PNPLA7: variants seen among roughly 807,000 people sequenced by gnomAD.
PNPLA7 encodes the protein patatin like domain 7, lysophospholipase.
A neutral mutation model predicts 161.7 loss-of-function variants in PNPLA7; 153 were observed. The observed-to-expected ratio is 0.95, with a 90% confidence interval of 0.83 to 1.08. The LOEUF is 1.08. PNPLA7 is among the 50% of genes least tolerant of loss of function. The pLI, the probability that PNPLA7 is intolerant of heterozygous loss-of-function variation, is 0.00. For missense variants in PNPLA7, 1,739 were observed against 1,856.6 expected, an observed-to-expected ratio of 0.94 and a Z score of 1.16; for synonymous variants, 809 against 782.1, an observed-to-expected ratio of 1.03 and a Z score of -0.57.
At chr9:137,528,946 C>T (rs369801954) in intron 8 of PNPLA7, among the ~76,000 whole-genome samples, 2 of 152,084 alleles carry the variant, frequency 1.3e-5, no homozygotes, top group African/African-American at 2.4e-5. Flanking sequence ...GTGATCCGCC[C>T]GCCTCGGCCT....
At position 137,537,818 on chromosome 9, in the gene PNPLA7, G is replaced by T. The variant is rs1217538865; in HGVS notation, c.747+2824C>A. On this transcript the variant is annotated intron_variant, in intron 8 of 34. Transcript: ENST00000406427. The surrounding 1 kb of genome is among the most constrained non-coding windows in gnomAD (Gnocchi z 4.5). ...AGGCCCAACCTGAATATCACAACAA[G>T]ATCAAGATCAGAAAGAACAAAGAAA... 7.0e-6 allele frequency among the ~76,000 whole-genome samples: 1 copy of T among 143,842 alleles called. No homozygotes were observed. The highest frequency in any genetic ancestry group is 1.5e-5 in the Non-Finnish European group (1 of 66,984). The allele number at this position is 143,842 out of a possible 152,430, so 94.4% of individuals were successfully genotyped here.
intron 12 of PNPLA7, among the ~76,000 whole-genome samples, chr9:137,514,916 G>A (rs1337303512): frequency 6.6e-6 from 1 of 152,006 alleles, no homozygotes; most frequent in Non-Finnish European, 1.5e-5. Context: ...CGGGCCCTGT[G>A]GCTGGGCTGT....
intron 12 of PNPLA7, among the ~76,000 whole-genome samples, chr9:137,510,788 C>T (rs1475684730): frequency 2.0e-5 from 3 of 152,200 alleles, no homozygotes; most frequent in African/African-American, 7.2e-5. Context: ...GTGCCTGAAA[C>T]GCCACCAGGC....
At chr9:137,485,999 C>T (rs117982725) in intron 20 of PNPLA7, among the ~76,000 whole-genome samples, 4,597 of 151,864 alleles carry the variant, frequency 0.03, 104 homozygotes, top group Non-Finnish European at 0.049. Flanking sequence ...GAGGCCACCG[C>T]GCCACCAGCC....
intron 11 of PNPLA7, 146 bp downstream of exon 11, chr9:137,519,771 G>A: frequency 1.8e-6 from 2 of 1,086,538 alleles, no homozygotes; most frequent in South Asian, 1.6e-5. Flanking sequence ...GGACTTGTAG[G>A]GTGACCTGGG....
rs140794186 is a variant in PNPLA7 at position 137,506,669 on chromosome 9, T to G, written c.1226-586A>C. The stretch of plus-strand genomic sequence containing the variant: ...CAAAGAGCTCCCCTGTTGCTGCTTT[T>G]GGGCGGCCTCGGGCTGAGCGGGATG... On this transcript the variant is annotated intron_variant, in intron 12 of 34. Coordinates refer to ENST00000406427, the MANE Select transcript of PNPLA7 (RefSeq NM_001098537.3). Among the ~76,000 whole-genome samples the G allele has an allele frequency of 1.8e-3, 276 of 152,320 alleles. 1 individual carries two copies. The highest frequency in any genetic ancestry group is 0.018 in the South Asian group (85 of 4,826).
intron 14 of PNPLA7, among the ~76,000 whole-genome samples, chr9:137,502,528 C>T (rs1355630750): frequency 1.4e-5 from 2 of 146,932 alleles, no homozygotes; most frequent in Non-Finnish European, 3.0e-5. Flanking sequence ...GCCACATATC[C>T]AGCTCTCAGG....
chr9:137,516,604 T>A (rs1436988403), intron 11 of PNPLA7: 1 of 784,706 alleles, frequency 1.3e-6, no homozygotes, highest in African/African-American at 1.9e-5. Flanking sequence ...AGACCAGGAG[T>A]TCAAGACCAC....
Position 137,497,294 on chromosome 9 carries a change from C to A in PNPLA7, c.1906G>T (p.Asp636Tyr), listed in dbSNP as rs369232623. The A allele has an allele frequency of 8.9e-6, 14 of 1,573,222 alleles. No individual in the cohort carries two copies. Among genetic ancestry groups the A allele is most frequent in the South Asian group, 1.2e-5 (1 of 85,402 alleles). The change falls in exon 18 of 35, where the codon GAC becomes TAC. Residue 636 changes from aspartate (D) to tyrosine (Y), a missense_variant. Physicochemically the swap from Asp to Tyr is radical, Grantham distance 160. This residue lies in a region of PNPLA7 where 481 missense variants were observed against 450.0 expected (regional missense o/e 1.07). Transcript: ENST00000406427. The part of the protein sequence containing the change: ...RAIYRQGDKS[D>Y]CTYIMLSGRL... The stretch of plus-strand genomic sequence containing the variant: ...CCGCTGAGCATGATGTACGTGCAGT[C>A]GGACTTGTCCCCCTGCCTGCGGAAG...
chr9:137,500,655 G>C lies in PNPLA7; in HGVS notation c.1757+36C>G, dbSNP rs1302840096. ...GAGGGGTCTCAGGGCAGGGGGGGCT[G>C]GGGCCCGCCCTGAGGTCCTGGCCCG... On this transcript the variant is annotated intron_variant, in intron 16 of 34. Transcript: ENST00000406427. This position sits in a 1 kb window ranked among gnomAD's most constrained non-coding sequence, Gnocchi z 5.5. 5.0e-6 allele frequency: 8 copies of C among 1,590,778 alleles called. No individual in the cohort carries two copies. The African/African-American group carries it at 5.4e-5, about 11-fold the overall frequency.
rs1478805128 is a variant in PNPLA7, at chr9:137,490,624, G to A, written c.2197+2389C>T. On this transcript the variant is annotated intron_variant, in intron 20 of 34. Transcript: ENST00000406427. This position sits in a 1 kb window ranked among gnomAD's most constrained non-coding sequence, Gnocchi z 4.1. ...TTCTCAGATTCTCAGATGAGGGAAA[G>A]CAAGCGGATCTGCAGCCATCAGACC... is the stretch of plus-strand genomic sequence containing the variant. Among the ~76,000 whole-genome samples the A allele has an allele frequency of 1.3e-5, 2 of 152,196 alleles. No homozygotes were observed. Among genetic ancestry groups the A allele is most frequent in the Non-Finnish European group, 2.9e-5 (2 of 68,040 alleles).
rs1834922511 is a variant in PNPLA7 at position 137,520,360 on chromosome 9, T to C, written c.958-317A>G. Among the ~76,000 whole-genome samples, 1 of 152,184 alleles carries C rather than the reference T, an allele frequency of 6.6e-6. No individual in the cohort carries two copies. The highest frequency in any genetic ancestry group is 2.1e-4 in the South Asian group (1 of 4,838). ...TAAGGCAACCAAGCTCAGCCTGCTT[T>C]TACCCTAGGCCCTGTCTCAAACACT... On this transcript the variant is annotated intron_variant, in intron 10 of 34. Transcript: ENST00000406427. This position sits in a 1 kb window ranked among gnomAD's most constrained non-coding sequence, Gnocchi z 5.2.
chr9:137,462,935 T>A (rs1271628568), intron 29 of PNPLA7, 102 bp from the exon 30 acceptor site: 1 of 1,488,210 alleles, frequency 6.7e-7, no homozygotes, highest in Admixed American at 1.9e-5. Flanking sequence ...GGTTGTGGGG[T>A]CTCCTCTCCG....
Position 137,462,213 on chromosome 9 carries a change from C to A in PNPLA7, c.3611G>T (p.Ser1204Ile). Residue 1204 changes from serine (S) to isoleucine (I), a missense_variant, in exon 31 of 35, where the codon AGC (serine) becomes ATC (isoleucine). By Grantham distance (142) the Ser-to-Ile change is moderately radical. Around this residue, in one of 6 missense-constraint regions of PNPLA7, gnomAD observed 703 missense variants for 694.6 expected, o/e 1.01. Transcript: ENST00000406427. The part of the protein sequence containing the change: ...EYLRPPIDSY[S>I]TLDFGKFNEI... ...GTTGAACTTGCCGAAGTCCAGGGTG[C>A]TGTAGCTGTCGATGGGGGGGCGCAG... 1.3e-6 allele frequency: 2 copies of A among 1,598,268 alleles called. No individual in the cohort carries two copies. The highest frequency in any genetic ancestry group is 1.7e-6 in the Non-Finnish European group (2 of 1,171,694).
At chr9:137,501,798 A>T (rs1478698007) in intron 14 of PNPLA7, 71 bp from the exon 15 acceptor site, 2 of 1,483,304 alleles carry the variant, frequency 1.3e-6, no homozygotes, top group Non-Finnish European at 1.9e-6. Context: ...CAGAGGCTGC[A>T]CTGGGCTGTT....
rs566511936 is a variant in PNPLA7, at chr9:137,514,597, G to A, written c.1225+782C>T. Among the ~76,000 whole-genome samples the A allele has an allele frequency of 4.0e-5, 6 of 148,346 alleles. No individual in the cohort carries two copies. The East Asian group carries it at 6.2e-4, about 15-fold the overall frequency. On this transcript the variant is annotated intron_variant, in intron 12 of 34. Transcript: ENST00000406427. ...TGGCCGGGCTGTGGGCGGGTCACCC[G>A]GCTGTTGAGGTGCCCGGGCCCTGTG...
chr9:137,501,644 G>C lies in PNPLA7; in HGVS notation c.1551+6C>G. On this transcript the variant is annotated splice_donor_region_variant and intron_variant, in intron 15 of 34. Coordinates refer to ENST00000406427, the MANE Select transcript of PNPLA7 (RefSeq NM_001098537.3). ...TCCCAGTGCCCCCCCCCAGACCCCC[G>C]CTCACCTGGTCTCCCTGCCTTGACA... is the stretch of plus-strand genomic sequence containing the variant. 5 of 1,606,402 alleles carry C rather than the reference G, an allele frequency of 3.1e-6. No individual in the cohort carries two copies. Among genetic ancestry groups the C allele is most frequent in the Admixed American group, 1.7e-5 (1 of 59,758 alleles).
At chr9:137,461,357 G>T in intron 33 of PNPLA7, 179 bp downstream of exon 33, 1 of 646,036 alleles carries the variant, frequency 1.5e-6, no homozygotes, top group Non-Finnish European at 2.6e-6. Flanking sequence ...TCCCACTGCT[G>T]TGGGAACACG....
chr9:137,515,805 C>G (rs1367804858), intron 11 of PNPLA7, among the ~76,000 whole-genome samples: 1 of 95,062 alleles, frequency 1.1e-5, no homozygotes, highest in Non-Finnish European at 2.2e-5. Context: ...TCCCCCAAAT[C>G]CCCCCTCCCC....
Sources: allele counts gnomAD v4.1 joint callset (sites outside exome capture counted in the v4.1 genomes callset), GRCh38; gene constraint gnomAD v4.1.1; regional missense constraint gnomAD v4.1.1; non-coding constraint Gnocchi (gnomAD v3.1); transcripts MANE v1.5; gene names NCBI Gene and HGNC (gene_info 2026-07-23, HGNC 2026-07-21).